Variants in BCORL1 observed in about 807,000 individuals in gnomAD.
The protein encoded by BCORL1 is BCL6 corepressor like 1, also known as BCL-6 corepressor-like protein 1.
In BCORL1, 7 loss-of-function variants were observed where a neutral mutation model predicts 87.6. That is an observed-to-expected ratio of 0.08 (90% confidence interval 0.05 to 0.15). BCORL1 has a LOEUF of 0.15. Ranked by LOEUF, BCORL1 falls within the 10% of genes least tolerant of loss-of-function variation. The pLI is 1.00. For synonymous variants in BCORL1, 591 were observed against 634.4 expected (o/e 0.93, Z 1.03); for missense variants, 1,215 against 1,499.7 (o/e 0.81, Z 3.13).
chrX:130,012,911 G>A lies in BCORL1; in HGVS notation c.178-39G>A, dbSNP rs770494128. On this transcript the variant is annotated intron_variant, in intron 3 of 13. Coordinates refer to ENST00000540052, the MANE Select transcript of BCORL1 (RefSeq NM_001379451.1). ...CTCAGGACACTTGCACCATCTGCAG[G>A]GAGCTGGCTGAGATGTGCATGCTAT... 10 of 1,166,747 alleles carry A rather than the reference G, an allele frequency of 8.6e-6. No individual in the cohort carries two copies. The African/African-American group carries it at 1.8e-4, about 21-fold the overall frequency.
Position 130,042,086 on chromosome X carries a change from T to C in BCORL1, c.4840+2804T>C, listed in dbSNP as rs190762609. Among the ~76,000 whole-genome samples the C allele has an allele frequency of 2.7e-5, 3 of 110,112 alleles. No individual in the cohort carries two copies. In the East Asian group the frequency reaches 8.7e-4, roughly 32 times the overall value. On this transcript the variant is annotated intron_variant, in intron 11 of 13. Transcript: ENST00000540052. ...CTTGTCCTGGCTGAGCACCTTTATT[T>C]AGATTTGTTAAAAATTACTAGAGAC...
chrX:130,015,175 A>C lies in BCORL1; in HGVS notation c.2403A>C (p.Glu801Asp). The C allele has an allele frequency of 8.3e-7, 1 of 1,211,292 alleles. No homozygotes were observed. Among genetic ancestry groups the C allele is most frequent in the Non-Finnish European group, 1.1e-6 (1 of 895,346 alleles). ...APGLPGCQTK[E>D]LSLWKPTGPA... Reference sequence around the variant, plus strand: ...GGCTGCCAGGGTGCCAAACCAAGGAACTCTCTTTGTGGAAACCCACGGGGC... The same window carrying C: ...GGCTGCCAGGGTGCCAAACCAAGGACCTCTCTTTGTGGAAACCCACGGGGC... The change falls in exon 4 of 14, where the codon GAA becomes GAC. Residue 801 changes from glutamate to aspartate, a missense_variant. Around this residue, in one of 5 missense-constraint regions of BCORL1, gnomAD observed 861 missense variants for 1,010.0 expected, o/e 0.85. Coordinates refer to ENST00000540052, the MANE Select transcript of BCORL1 (RefSeq NM_001379451.1).
At position 130,031,066 on chromosome X, in the gene BCORL1, TC is replaced by T. The variant is rs751314786; in HGVS notation, c.4305+2211del. 7.3e-5 allele frequency among the ~76,000 whole-genome samples: 8 copies of T among 109,909 alleles called. No individual in the cohort carries two copies. The South Asian group carries it at 1.9e-3, about 26-fold the overall frequency. Reference sequence around the variant, plus strand: ...AGGGGGAAGGAGAGAGGGGGAGGGGTCCCCCCACTTGTTCTTGCTCCTCCCC... The same window carrying T: ...AGGGGGAAGGAGAGAGGGGGAGGGGTCCCCCACTTGTTCTTGCTCCTCCCC... On this transcript the variant is annotated intron_variant, in intron 8 of 13. Coordinates refer to ENST00000540052, the MANE Select transcript of BCORL1 (RefSeq NM_001379451.1).
chrX:130,027,492 C>T (rs887710556), intron 7 of BCORL1, among the ~76,000 whole-genome samples: 2 of 112,318 alleles, frequency 1.8e-5, no homozygotes, highest in Admixed American at 9.4e-5. Context: ...GTCAATGTCA[C>T]ATGTGAGAGC....
intron 2 of BCORL1, 52 bp downstream of exon 2, chrX:130,005,369 G>A (rs376483067): frequency 3.2e-5 from 34 of 1,054,502 alleles, no homozygotes; most frequent in Middle Eastern, 5.0e-4. Context: ...GCAGTACCTC[G>A]TCACCAGAGG....
chrX:129,995,165 C>T (rs1336524601), intron 1 of BCORL1, among the ~76,000 whole-genome samples: 3 of 110,266 alleles, frequency 2.7e-5, no homozygotes, highest in African/African-American at 9.9e-5. Flanking sequence ...ACCACTAGGC[C>T]TGACTAATTT....
At chrX:130,000,379 GAA>G (rs1016459663) in intron 1 of BCORL1, among the ~76,000 whole-genome samples, 4 of 112,402 alleles carry the variant, frequency 3.6e-5, no homozygotes, top group African/African-American at 9.7e-5. Context: ...GATATTCTGA[GAA>G]ACAGTCAAAA....
rs1476602028 is a variant in BCORL1, at chrX:130,025,265, G to C, written c.3964G>C (p.Glu1322Gln). The change falls in exon 7 of 14, where the codon GAG becomes CAG. Residue 1322 changes from glutamate (E) to glutamine (Q), a missense_variant. Physicochemically the swap from Glu to Gln is conservative, Grantham distance 29. This residue lies in a region of BCORL1 where 166 missense variants were observed against 196.5 expected (regional missense o/e 0.84). Transcript: ENST00000540052. ...CACCAATGAGGAGGAGGAGGAAGAA[G>C]AGGAGGAGGGCCTGCTGAAGAGGAA... ...WDTNEEEEEE[E>Q]EEGLLKRKKR... The C allele has an allele frequency of 8.3e-7, 1 of 1,208,329 alleles. No homozygotes were observed. The highest frequency in any genetic ancestry group is 1.1e-6 in the Non-Finnish European group (1 of 894,336).
intron 1 of BCORL1, among the ~76,000 whole-genome samples, chrX:129,997,292 GC>G (rs764199745): frequency 1.8e-5 from 2 of 110,904 alleles, no homozygotes; most frequent in East Asian, 5.7e-4. Flanking sequence ...TTTCAGTTTG[GC>G]CCATGATGGT....
At chrX:130,055,713 G>A (rs941789119) in intron 13 of BCORL1, 141 bp from the exon 14 acceptor site, 10 of 659,239 alleles carry the variant, frequency 1.5e-5, no homozygotes, top group African/African-American at 6.6e-5. Context: ...AGCAGGGGAC[G>A]GGGGAGCCAG....
intron 12 of BCORL1, 142 bp downstream of exon 12, chrX:130,050,936 C>T: frequency 2.0e-6 from 1 of 511,013 alleles, no homozygotes; most frequent in Non-Finnish European, 3.3e-6. Context: ...CCTGCAGACT[C>T]AGAAGTCATT....
At chrX:130,012,465 G>A (rs778979594) in intron 2 of BCORL1, 113 bp from the exon 3 acceptor site, 48 of 569,056 alleles carry the variant, frequency 8.4e-5, no homozygotes, top group Admixed American at 6.1e-4. Context: ...TACAGGAAGT[G>A]AGGTAGGAAG....
intron 1 of BCORL1, among the ~76,000 whole-genome samples, chrX:130,003,374 C>CTTCTTCTTCTTCT (rs59660230): frequency 2.8e-4 from 26 of 91,497 alleles, no homozygotes; most frequent in African/African-American, 1.1e-3. Flanking sequence ...TCTTCTTCTT[C>CTTCTTCTTCTTCT]TTTTTTTTTT....
chrX:130,018,723 A>C (rs368968685), intron 4 of BCORL1, among the ~76,000 whole-genome samples: 2 of 112,416 alleles, frequency 1.8e-5, no homozygotes. Context: ...GCCCACTATC[A>C]AATGCAGAGG....
chrX:130,053,317 C>T (rs1271874193), intron 13 of BCORL1, among the ~76,000 whole-genome samples: 3 of 107,572 alleles, frequency 2.8e-5, no homozygotes, highest in Admixed American at 1.0e-4. Context: ...ACACGCATAG[C>T]CTGATCAGAA....
chrX:129,980,840 C>G (rs1400569337), upstream of BCORL1, among the ~76,000 whole-genome samples: 1 of 105,695 alleles, frequency 9.5e-6, no homozygotes, highest in African/African-American at 3.5e-5. Flanking sequence ...ACTTGCTGGG[C>G]TCTGGACCGA....
chrX:130,024,569 C>T (rs1349759583), intron 6 of BCORL1, among the ~76,000 whole-genome samples: 2 of 111,086 alleles, frequency 1.8e-5, no homozygotes, highest in Admixed American at 1.9e-4. Context: ...TCTCCTAGCC[C>T]CTGATTTCCC....
chrX:130,050,005 G>C (rs535491453), intron 11 of BCORL1, among the ~76,000 whole-genome samples: 1 of 111,495 alleles, frequency 9.0e-6, no homozygotes, highest in East Asian at 2.8e-4. Context: ...AGCCCAGCCC[G>C]CGTGTGTCCC....
intron 11 of BCORL1, among the ~76,000 whole-genome samples, chrX:130,050,365 G>A (rs767896611): frequency 2.6e-3 from 285 of 110,729 alleles, no homozygotes; most frequent in Non-Finnish European, 4.6e-3. Flanking sequence ...TTGAGCCCAG[G>A]AGTTCAAGGT....
Sources: allele counts gnomAD v4.1 joint callset (sites outside exome capture counted in the v4.1 genomes callset), GRCh38; gene constraint gnomAD v4.1.1; regional missense constraint gnomAD v4.1.1; transcripts MANE v1.5; gene names NCBI Gene and HGNC (gene_info 2026-07-23, HGNC 2026-07-21).